The following ANKFN1 variants were observed in gnomAD, a reference collection of about 807,000 sequenced individuals.
ANKFN1 encodes ankyrin repeat and fibronectin type III domain containing 1, also known as ankyrin repeat and fibronectin type-III domain-containing protein 1.
A neutral mutation model predicts 108.7 loss-of-function variants in ANKFN1; 74 were observed. The ratio of observed to expected loss-of-function variants is 0.68; its 90% CI spans 0.56 to 0.83. ANKFN1 has a LOEUF of 0.83. Ranked by LOEUF, ANKFN1 falls within the 40% of genes least tolerant of loss-of-function variation. The pLI is 0.00. For missense variants in ANKFN1, 1,505 were observed against 1,382.3 expected (o/e 1.09, Z -1.41); for synonymous variants, 547 against 516.2 (o/e 1.06, Z -0.81).
chr17:56,269,453 A>G (rs62073039), intron 3 of ANKFN1, among the ~76,000 whole-genome samples: 20,848 of 152,172 alleles, frequency 0.14, 1,522 homozygotes, highest in East Asian at 0.19. Flanking sequence ...GCTGACTTTG[A>G]GATATTATCA....
chr17:56,332,792 T>C (rs2144574296), intron 4 of ANKFN1, among the ~76,000 whole-genome samples: 1 of 152,224 alleles, frequency 6.6e-6, no homozygotes, highest in East Asian at 1.9e-4. Context: ...TCAAAATTGT[T>C]TTGGCTATTT....
chr17:56,362,618 T>A (rs1322797582), intron 6 of ANKFN1, among the ~76,000 whole-genome samples: 4 of 152,028 alleles, frequency 2.6e-5, no homozygotes, highest in Non-Finnish European at 5.9e-5. Flanking sequence ...AGTAAAGACA[T>A]AAACATAAAA....
At chr17:56,293,899 A>G (rs2044437018) in intron 3 of ANKFN1, among the ~76,000 whole-genome samples, 1 of 152,152 alleles carries the variant, frequency 6.6e-6, no homozygotes, top group Non-Finnish European at 1.5e-5. Context: ...TAGGGAACAG[A>G]TCTGGAATGC....
At chr17:56,088,858 T>C (rs2143186619) in intron 4 of ANKFN1, among the ~76,000 whole-genome samples, 1 of 151,552 alleles carries the variant, frequency 6.6e-6, no homozygotes, top group South Asian at 2.1e-4. Flanking sequence ...ATAGCTTCTT[T>C]AGCATCTCTT....
chr17:56,401,756 C>T (rs1311995816), intron 8 of ANKFN1, among the ~76,000 whole-genome samples: 3 of 151,954 alleles, frequency 2.0e-5, no homozygotes, highest in East Asian at 3.9e-4. Flanking sequence ...GAGTGGGCAT[C>T]CTTGTTCTGT....
At chr17:56,303,435 A>G (rs1235452993) in intron 3 of ANKFN1, among the ~76,000 whole-genome samples, 1 of 152,128 alleles carries the variant, frequency 6.6e-6, no homozygotes, top group East Asian at 1.9e-4. Context: ...GCTGCTCAAC[A>G]CCAAATTGTT....
intron 11 of ANKFN1, among the ~76,000 whole-genome samples, chr17:56,451,858 C>T (rs1462278760): frequency 2.6e-5 from 4 of 152,158 alleles, no homozygotes; most frequent in Non-Finnish European, 5.9e-5. Flanking sequence ...TGTAATGACT[C>T]ACTAACTATA....
chr17:56,413,465 A>G (rs2048154320), intron 8 of ANKFN1, among the ~76,000 whole-genome samples: 1 of 152,184 alleles, frequency 6.6e-6, no homozygotes, highest in South Asian at 2.1e-4. Context: ...ACTATGTTGA[A>G]TAGAAGTAGT....
intron 8 of ANKFN1, among the ~76,000 whole-genome samples, chr17:56,389,253 A>G (rs1241162379): frequency 6.6e-6 from 1 of 152,220 alleles, no homozygotes; most frequent in Non-Finnish European, 1.5e-5. Context: ...TATACATACA[A>G]CAATCTGGAT....
At chr17:56,298,398 C>A (rs2044576402) in intron 3 of ANKFN1, among the ~76,000 whole-genome samples, 1 of 152,104 alleles carries the variant, frequency 6.6e-6, no homozygotes, top group Admixed American at 6.5e-5. Flanking sequence ...TCATGTATTT[C>A]TGCTACACAT....
intron 20 of ANKFN1, among the ~76,000 whole-genome samples, chr17:56,500,358 C>G (rs2145450209): frequency 6.6e-6 from 1 of 151,878 alleles, no homozygotes; most frequent in East Asian, 1.9e-4. Flanking sequence ...TAGGAGACAG[C>G]TAATTTACAT....
chr17:56,420,181 G>A (rs2048358139), intron 8 of ANKFN1, among the ~76,000 whole-genome samples: 2 of 152,182 alleles, frequency 1.3e-5, no homozygotes, highest in African/African-American at 4.8e-5. Context: ...TGAATAGATG[G>A]ATGGGAAATG....
rs2143077628 is a variant in ANKFN1 at position 56,051,839 on chromosome 17, A to G, written c.288+5514A>G. Among the ~76,000 whole-genome samples the G allele has an allele frequency of 2.6e-5, 4 of 151,524 alleles. 1 individual carries two copies. The highest frequency in any genetic ancestry group is 2.6e-4 in the Admixed American group (4 of 15,194). On this transcript the variant is annotated intron_variant, in intron 4 of 12. Transcript: ENST00000635860. ...TCACAATTGCTTCAAAGAGAATAAAATACCTAGGAATCCAACTTACAAGGG... is the reference window on the plus strand; with the variant it reads ...TCACAATTGCTTCAAAGAGAATAAAGTACCTAGGAATCCAACTTACAAGGG...
chr17:56,511,408 G>A lies in ANKFN1; in HGVS notation c.*139G>A, dbSNP rs2051766883. On this transcript the variant is annotated 3_prime_UTR_variant, in exon 21 of 21. Coordinates refer to ENST00000682825, the MANE Select transcript of ANKFN1 (RefSeq NM_001370326.1). Reference sequence around the variant, plus strand: ...ATAAATACAAAGGTTACAAGTTCAAGGTCCTCTTTTTTTGGAACAGAGTGG... The same window carrying A: ...ATAAATACAAAGGTTACAAGTTCAAAGTCCTCTTTTTTTGGAACAGAGTGG... The A allele has an allele frequency of 9.8e-7, 1 of 1,025,100 alleles. No homozygotes were observed. The highest frequency in any genetic ancestry group is 3.0e-5 in the Admixed American group (1 of 33,602). The allele number at this position is 1,025,100 out of a possible 1,614,324, so 63.5% of individuals were successfully genotyped here. A position where few individuals can be genotyped will look rare whatever the true frequency, so the allele number is the denominator to read the frequency against.
At chr17:56,237,338 C>T (rs1449817232) in intron 3 of ANKFN1, among the ~76,000 whole-genome samples, 1 of 152,104 alleles carries the variant, frequency 6.6e-6, no homozygotes, top group Non-Finnish European at 1.5e-5. Context: ...AGGAATTGTA[C>T]CAGCTCTAAA....
In ANKFN1 at chr17:56,442,919, G is replaced by A; in HGVS notation, c.1085G>A (p.Cys362Tyr). The stretch of plus-strand genomic sequence containing the variant: ...CCTGCTCAGACCACGACACCGGCAT[G>A]TGCCTCTCCTTCTAGTAGGTGGTGG... ...WGPAQTTTPA[C>Y]ASPSNWKDYD... Residue 362 changes from cysteine to tyrosine, a missense_variant, in exon 10 of 21, where the codon TGT becomes TAT. Physicochemically the swap from Cys to Tyr is radical, Grantham distance 194. Transcript: ENST00000682825. 6.2e-7 allele frequency: 1 copy of A among 1,613,724 alleles called. No individual in the cohort carries two copies. The highest frequency in any genetic ancestry group is 8.5e-7 in the Non-Finnish European group (1 of 1,179,720).
chr17:56,226,217 A>G (rs1916257790), intron 2 of ANKFN1, among the ~76,000 whole-genome samples: 1 of 152,106 alleles, frequency 6.6e-6, no homozygotes, highest in Non-Finnish European at 1.5e-5. Context: ...TAGAATAATA[A>G]CTAACAACTA....
intron 3 of ANKFN1, among the ~76,000 whole-genome samples, chr17:56,241,757 A>G (rs1917598954): frequency 6.6e-6 from 1 of 152,140 alleles, no homozygotes; most frequent in African/African-American, 2.4e-5. Context: ...CAATTAAAAC[A>G]ATATGCCACT....
At chr17:56,319,547 C>T (rs755455646) in intron 3 of ANKFN1, among the ~76,000 whole-genome samples, 2 of 152,150 alleles carry the variant, frequency 1.3e-5, no homozygotes, top group African/African-American at 4.8e-5. Flanking sequence ...CTACCACAAC[C>T]GCACTACAGT....
Sources: allele counts gnomAD v4.1 joint callset (sites outside exome capture counted in the v4.1 genomes callset), GRCh38; gene constraint gnomAD v4.1.1; transcripts MANE v1.5; gene names NCBI Gene and HGNC (gene_info 2026-07-23, HGNC 2026-07-21).